CBFA2T3: variants seen among roughly 807,000 people sequenced by gnomAD.
CBFA2T3 encodes CBFA2/RUNX1 partner transcriptional co-repressor 3, also known as transcriptional corepressor CBFA2T3.
Under a neutral mutation model 58.6 loss-of-function variants are expected in CBFA2T3, and 31 were observed. That is an observed-to-expected ratio of 0.53 (90% confidence interval 0.40 to 0.71). The LOEUF (loss-of-function observed/expected upper bound fraction) is 0.71, where lower values mean the gene tolerates loss of function less well. Among genes scored for constraint, CBFA2T3 ranks in the 30% least tolerant of loss-of-function variants. The pLI is 0.00. For missense variants in CBFA2T3, 1,076 were observed against 963.1 expected (o/e 1.12, Z -1.55); for synonymous variants, 531 against 421.9 (o/e 1.26, Z -3.17).
At chr16:88,934,288 G>A (rs965799009) in intron 1 of CBFA2T3, among the ~76,000 whole-genome samples, 1 of 151,082 alleles carries the variant, frequency 6.6e-6, no homozygotes, top group Non-Finnish European at 1.5e-5. Flanking sequence ...TGGCTGCTCA[G>A]GTCACAGGAG....
At position 88,885,417 on chromosome 16, in the gene CBFA2T3, C is replaced by T. The variant is rs893145539; in HGVS notation, c.894-148G>A. ...AGAAACACGGAGCAAAACACCAGCC[C>T]CGGGAAGCCCAGCCCGGCGCCCCCA... is the stretch of plus-strand genomic sequence containing the variant. On this transcript the variant is annotated intron_variant, in intron 6 of 11. Coordinates refer to ENST00000268679, the MANE Select transcript of CBFA2T3 (RefSeq NM_005187.6). This position sits in a 1 kb window ranked among gnomAD's most constrained non-coding sequence, Gnocchi z 5.3. 325 of 551,070 alleles carry T rather than the reference C, an allele frequency of 5.9e-4. 1 individual carries two copies. Among genetic ancestry groups the T allele is most frequent in the Non-Finnish European group, 5.2e-4 (173 of 331,014 alleles). The allele number at this position is 551,070 out of a possible 1,614,324, so 34.1% of individuals were successfully genotyped here.
At chr16:88,914,297 G>A (rs984750371) in intron 1 of CBFA2T3, among the ~76,000 whole-genome samples, 2 of 152,238 alleles carry the variant, frequency 1.3e-5, no homozygotes, top group Non-Finnish European at 1.5e-5. Context: ...GAGGGGGATC[G>A]GAGGCCTTGG....
intron 8 of CBFA2T3, 91 bp from the exon 9 acceptor site, chr16:88,881,580 G>C: frequency 7.4e-7 from 1 of 1,352,866 alleles, no homozygotes; most frequent in Non-Finnish European, 1.0e-6. Flanking sequence ...CCCCGGACAG[G>C]ATGGGTGCCC....
intron 4 of CBFA2T3, 50 bp downstream of exon 4, chr16:88,892,193 AC>A: frequency 1.3e-6 from 2 of 1,575,054 alleles, no homozygotes; most frequent in Non-Finnish European, 1.7e-6. Flanking sequence ...ACCTCATTAA[AC>A]GGAGGGAATA....
chr16:88,894,147 ACACACATGCACG>A (rs1401052246), intron 3 of CBFA2T3, among the ~76,000 whole-genome samples: 1 of 152,104 alleles, frequency 6.6e-6, no homozygotes, highest in Non-Finnish European at 1.5e-5. Context: ...CACCACCCTT[ACACACATGCACG>A]CACACATGCA....
At chr16:88,975,816 T>C (rs756826653) in intron 1 of CBFA2T3, among the ~76,000 whole-genome samples, 4 of 152,344 alleles carry the variant, frequency 2.6e-5, no homozygotes, top group Non-Finnish European at 5.9e-5. Flanking sequence ...TCTCCAGAGA[T>C]GGGGACACCC....
intron 1 of CBFA2T3, among the ~76,000 whole-genome samples, chr16:88,904,902 C>G (rs6500507): frequency 0.048 from 7,266 of 152,254 alleles, 269 homozygotes; most frequent in African/African-American, 0.099. Context: ...GAGTTCCCCA[C>G]GCCCTGCCTT....
rs541424795 is a variant in CBFA2T3 at position 88,898,861 on chromosome 16, A to G, written c.305-709T>C. The stretch of plus-strand genomic sequence containing the variant: ...GACGTAGGGAGACCCAAACTCTACT[A>G]TATAAAAAAAGAAAGAAAGATTGAA... On this transcript the variant is annotated intron_variant, in intron 2 of 11. Transcript: ENST00000268679. Among the ~76,000 whole-genome samples the G allele has an allele frequency of 1.2e-4, 19 of 152,340 alleles. No homozygotes were observed. In the South Asian group the frequency reaches 3.5e-3, roughly 28 times the overall value.
intron 7 of CBFA2T3, chr16:88,883,936 T>G (rs553095656): frequency 6.6e-6 from 1 of 152,392 alleles, no homozygotes; most frequent in South Asian, 2.1e-4. Flanking sequence ...TGGGGCCCTT[T>G]TCAGCCCCTA....
At chr16:88,879,631 G>T in intron 10 of CBFA2T3, 171 bp from the exon 11 acceptor site, 1 of 614,694 alleles carries the variant, frequency 1.6e-6, no homozygotes, top group Non-Finnish European at 2.9e-6. Context: ...CTGAACACAC[G>T]TAGCATCTGT....
chr16:88,903,155 C>T (rs1397138690), intron 1 of CBFA2T3, among the ~76,000 whole-genome samples: 5 of 152,194 alleles, frequency 3.3e-5, no homozygotes, highest in Admixed American at 2.0e-4. Context: ...CCCAGGGCCA[C>T]GGCCACGCGG....
chr16:88,880,854 C>T (rs571426436), intron 9 of CBFA2T3, 66 bp from the exon 10 acceptor site: 2 of 1,422,970 alleles, frequency 1.4e-6, no homozygotes, highest in African/African-American at 2.8e-5. Flanking sequence ...TGGGGCCCTC[C>T]CCACCCTGGC....
chr16:88,974,130 C>G (rs1972727975), intron 1 of CBFA2T3, among the ~76,000 whole-genome samples: 1 of 152,216 alleles, frequency 6.6e-6, no homozygotes, highest in African/African-American at 2.4e-5. Context: ...TCCCTGGCAC[C>G]CTCCTCGGGT....
chr16:88,917,991 G>C (rs1336812778), intron 1 of CBFA2T3, among the ~76,000 whole-genome samples: 3 of 152,208 alleles, frequency 2.0e-5, no homozygotes, highest in African/African-American at 4.8e-5. Flanking sequence ...CAGGACTTTA[G>C]AGGTGGCCTC....
At chr16:88,890,117 G>A (rs1056935294) in intron 5 of CBFA2T3, among the ~76,000 whole-genome samples, 2 of 151,880 alleles carry the variant, frequency 1.3e-5, no homozygotes, top group East Asian at 1.9e-4. Flanking sequence ...ATCCCTGGAC[G>A]ATGCCCCGCG....
At chr16:88,932,782 C>G (rs1490212736) in intron 1 of CBFA2T3, among the ~76,000 whole-genome samples, 3 of 41,116 alleles carry the variant, frequency 7.3e-5, no homozygotes, top group Non-Finnish European at 1.3e-4. Flanking sequence ...CCCGTCTCTA[C>G]TAAAAATACA....
intron 1 of CBFA2T3, among the ~76,000 whole-genome samples, chr16:88,921,774 G>C (rs1057388942): frequency 2.0e-5 from 3 of 152,252 alleles, no homozygotes; most frequent in Non-Finnish European, 4.4e-5. Flanking sequence ...TGCGGCTGCA[G>C]CTCCCTCATT....
rs1972134979 is a variant in CBFA2T3, at chr16:88,953,563, A to G, written c.151+23094T>C. 6.6e-6 allele frequency among the ~76,000 whole-genome samples: 1 copy of G among 151,478 alleles called. No homozygotes were observed. On this transcript the variant is annotated intron_variant, in intron 1 of 11. Coordinates refer to ENST00000268679, the MANE Select transcript of CBFA2T3 (RefSeq NM_005187.6). This position sits in a 1 kb window ranked among gnomAD's most constrained non-coding sequence, Gnocchi z 4.9. ...GCAGTGGGGATCAGGATCTGGCAGG[A>G]TCGGAATGTAGAGGCCTGGGGGCTC...
At chr16:88,963,468 C>T (rs186599327) in intron 1 of CBFA2T3, among the ~76,000 whole-genome samples, 4 of 152,156 alleles carry the variant, frequency 2.6e-5, no homozygotes, top group African/African-American at 9.6e-5. Flanking sequence ...GTTCTGCAAC[C>T]AGCGCCTCCA....
Sources: allele counts gnomAD v4.1 joint callset (sites outside exome capture counted in the v4.1 genomes callset), GRCh38; gene constraint gnomAD v4.1.1; non-coding constraint Gnocchi (gnomAD v3.1); transcripts MANE v1.5; gene names NCBI Gene and HGNC (gene_info 2026-07-23, HGNC 2026-07-21).